Variants in NAALADL2 observed in about 807,000 individuals in gnomAD.
The protein encoded by NAALADL2 is N-acetylated alpha-linked acidic dipeptidase like 2.
A neutral mutation model predicts 87.2 loss-of-function variants in NAALADL2; 76 were observed. The observed-to-expected ratio is 0.87, with a 90% CI of 0.72 to 1.05. NAALADL2 has a LOEUF of 1.05. Ranked by LOEUF, NAALADL2 falls within the 50% of genes least tolerant of loss-of-function variation. The pLI is 0.00. For missense variants in NAALADL2, 1,089 were observed against 945.8 expected, an observed-to-expected ratio of 1.15 and a Z score of -1.99; for synonymous variants, 354 against 331.0, an observed-to-expected ratio of 1.07 and a Z score of -0.75.
chr3:175,493,396 A>G (rs544498118), intron 9 of NAALADL2, among the ~76,000 whole-genome samples: 2 of 152,258 alleles, frequency 1.3e-5, no homozygotes, highest in African/African-American at 4.8e-5. Context: ...ATCCAATGCT[A>G]TAAAAATGTG....
chr3:175,127,396 T>C (rs1434894606), intron 2 of NAALADL2, among the ~76,000 whole-genome samples: 1 of 152,156 alleles, frequency 6.6e-6, no homozygotes, highest in Admixed American at 6.5e-5. Flanking sequence ...AGTCTATGAA[T>C]AGCAGAAATA....
chr3:174,887,974 A>C (rs1730390318), intron 1 of NAALADL2, among the ~76,000 whole-genome samples: 1 of 152,208 alleles, frequency 6.6e-6, no homozygotes, highest in Non-Finnish European at 1.5e-5. Flanking sequence ...TATAAAAAAT[A>C]ATGAGGTCAT....
At chr3:174,509,427 G>A (rs1719444542) in intron 1 of NAALADL2, among the ~76,000 whole-genome samples, 1 of 147,012 alleles carries the variant, frequency 6.8e-6, no homozygotes, top group Non-Finnish European at 1.5e-5. Context: ...TTTTGAGACG[G>A]AGTCTTGCTC....
chr3:174,473,571 A>G (rs769117768), intron 1 of NAALADL2, among the ~76,000 whole-genome samples: 3 of 152,202 alleles, frequency 2.0e-5, no homozygotes, highest in Non-Finnish European at 4.4e-5. Context: ...TTAAAAAGAT[A>G]TAATATGCCT....
At chr3:174,559,529 G>C (rs1214142590) in intron 2 of NAALADL2, among the ~76,000 whole-genome samples, 1 of 152,176 alleles carries the variant, frequency 6.6e-6, no homozygotes, top group African/African-American at 2.4e-5. Flanking sequence ...CCTCCACGCT[G>C]TGCCTTAGTC....
At chr3:174,508,926 T>C (rs1346626875) in intron 1 of NAALADL2, among the ~76,000 whole-genome samples, 2 of 152,200 alleles carry the variant, frequency 1.3e-5, no homozygotes, top group Admixed American at 1.3e-4. Context: ...GTTGTTATTA[T>C]ATAGAAATGT....
intron 1 of NAALADL2, among the ~76,000 whole-genome samples, chr3:175,066,746 C>G (rs1275231257): frequency 6.6e-6 from 1 of 152,130 alleles, no homozygotes; most frequent in Non-Finnish European, 1.5e-5. Flanking sequence ...ATCCTTGCCC[C>G]TATCAAAGAC....
rs191280086 is a variant in NAALADL2 at position 175,544,397 on chromosome 3, G to A, written c.1654-31644G>A. Among the ~76,000 whole-genome samples, 71 of 152,204 alleles carry A rather than the reference G, an allele frequency of 4.7e-4. No homozygotes were observed. The East Asian group carries it at 4.8e-3, about 10-fold the overall frequency. On this transcript the variant is annotated intron_variant, in intron 9 of 13. Transcript: ENST00000454872. ...CTGGAACAAATAGCTAAATCATGTC[G>A]ACATGATAGAGATGGTCTCGGTTTT...
chr3:174,764,151 A>C (rs2109083252), intron 3 of NAALADL2, among the ~76,000 whole-genome samples: 1 of 137,844 alleles, frequency 7.3e-6, no homozygotes, highest in Non-Finnish European at 1.6e-5. Flanking sequence ...TTTAAACCAA[A>C]ATTTGGATTA....
At chr3:175,481,098 A>C (rs903850764) in intron 9 of NAALADL2, among the ~76,000 whole-genome samples, 1 of 151,908 alleles carries the variant, frequency 6.6e-6, no homozygotes, top group Non-Finnish European at 1.5e-5. Flanking sequence ...AGTAGCTGCT[A>C]TTTTTTAAAA....
intron 10 of NAALADL2, among the ~76,000 whole-genome samples, chr3:175,622,657 A>G (rs185750659): frequency 5.3e-5 from 8 of 152,270 alleles, no homozygotes; most frequent in Admixed American, 2.0e-4. Context: ...CTTCTCATCC[A>G]TAAAGTGAAG....
intron 11 of NAALADL2, among the ~76,000 whole-genome samples, chr3:175,656,429 A>T (rs1731471241): frequency 6.6e-6 from 1 of 152,164 alleles, no homozygotes; most frequent in African/African-American, 2.4e-5. Context: ...CCTTCTGAGG[A>T]TGAATAGTCC....
intron 2 of NAALADL2, among the ~76,000 whole-genome samples, chr3:175,217,429 T>C (rs191037871): frequency 6.6e-6 from 1 of 152,246 alleles, no homozygotes; most frequent in African/African-American, 2.4e-5. Context: ...TTTATTGTGT[T>C]CATTTCACAT....
intron 9 of NAALADL2, among the ~76,000 whole-genome samples, chr3:175,545,393 C>T (rs763377830): frequency 6.6e-6 from 1 of 151,994 alleles, no homozygotes; most frequent in Non-Finnish European, 1.5e-5. Flanking sequence ...AAACTGACAC[C>T]AATGAATACC....
At chr3:175,159,586 G>A (rs1208586215) in intron 2 of NAALADL2, among the ~76,000 whole-genome samples, 1 of 152,054 alleles carries the variant, frequency 6.6e-6, no homozygotes, top group African/African-American at 2.4e-5. Context: ...CAGTGCATCT[G>A]GGATAACACC....
At chr3:175,095,540 TTTAG>T (rs897409474) in intron 1 of NAALADL2, among the ~76,000 whole-genome samples, 16 of 152,006 alleles carry the variant, frequency 1.1e-4, no homozygotes, top group African/African-American at 3.6e-4. Context: ...AAATTTAATA[TTTAG>T]TTATATTTGA....
At chr3:174,489,995 A>G (rs957211372) in intron 1 of NAALADL2, among the ~76,000 whole-genome samples, 9 of 152,178 alleles carry the variant, frequency 5.9e-5, no homozygotes, top group African/African-American at 1.4e-4. Context: ...CAGTTGGGCA[A>G]TTTCTCAAAT....
chr3:174,725,036 G>A (rs1301986116), intron 2 of NAALADL2, among the ~76,000 whole-genome samples: 1 of 152,092 alleles, frequency 6.6e-6, no homozygotes, highest in Non-Finnish European at 1.5e-5. Flanking sequence ...GAGAAGCACT[G>A]CCTTTCAGTA....
chr3:175,037,949 G>A (rs148148009), intron 1 of NAALADL2, among the ~76,000 whole-genome samples: 35 of 152,086 alleles, frequency 2.3e-4, no homozygotes, highest in Non-Finnish European at 4.0e-4. Context: ...GGAAGGGAGC[G>A]TGGATTTAAA....
Sources: allele counts gnomAD v4.1 joint callset (sites outside exome capture counted in the v4.1 genomes callset), GRCh38; gene constraint gnomAD v4.1.1; transcripts MANE v1.5; gene names NCBI Gene and HGNC (gene_info 2026-07-23, HGNC 2026-07-21).